Variants in GPD2 observed in about 807,000 individuals in gnomAD.
GPD2 encodes the protein glycerol-3-phosphate dehydrogenase, mitochondrial.
A neutral mutation model predicts 82.4 loss-of-function variants in GPD2; 54 were observed. The ratio of observed to expected loss-of-function variants is 0.66; its 90% CI spans 0.53 to 0.82. The LOEUF is 0.82. Ranked by LOEUF, GPD2 falls within the 40% of genes least tolerant of loss-of-function variation. GPD2 has a pLI of 0.00. For synonymous variants in GPD2, 288 were observed against 306.1 expected (o/e 0.94, Z 0.62); for missense variants, 748 against 896.2 (o/e 0.83, Z 2.11).
intron 6 of GPD2, among the ~76,000 whole-genome samples, chr2:156,519,510 T>C (rs1163267377): frequency 6.6e-6 from 1 of 152,236 alleles, no homozygotes; most frequent in Non-Finnish European, 1.5e-5. Context: ...TAAAGTCCTA[T>C]TTGCCAACAA....
chr2:156,529,277 A>T (rs1349149191), intron 6 of GPD2, among the ~76,000 whole-genome samples: 3 of 149,440 alleles, frequency 2.0e-5, no homozygotes, highest in Admixed American at 6.7e-5. Context: ...CCACTTTTTG[A>T]TGGGGTTGTT....
At chr2:156,526,911 A>G (rs894967659) in intron 6 of GPD2, among the ~76,000 whole-genome samples, 1 of 152,156 alleles carries the variant, frequency 6.6e-6, no homozygotes, top group Non-Finnish European at 1.5e-5. Context: ...TTTTCTTGCT[A>G]CTTTATTGTG....
At chr2:156,495,464 T>C (rs1232969146) in intron 2 of GPD2, 1 of 235,746 alleles carries the variant, frequency 4.2e-6, no homozygotes, top group Non-Finnish European at 9.4e-6. Flanking sequence ...TTCTGAAAAA[T>C]ATAATTCTCA....
intron 8 of GPD2, among the ~76,000 whole-genome samples, chr2:156,554,022 G>A (rs1686866635): frequency 6.6e-6 from 1 of 152,156 alleles, no homozygotes; most frequent in South Asian, 2.1e-4. Flanking sequence ...TGAAGGAATG[G>A]TCTGCAGCCT....
chr2:156,456,665 T>G (rs1682800499), intron 1 of GPD2, among the ~76,000 whole-genome samples: 1 of 152,020 alleles, frequency 6.6e-6, no homozygotes. Flanking sequence ...AGAATTAAGA[T>G]AATGCAAATC....
chr2:156,549,387 T>G (rs1024752993), intron 6 of GPD2, among the ~76,000 whole-genome samples: 1 of 152,222 alleles, frequency 6.6e-6, no homozygotes, highest in African/African-American at 2.4e-5. Flanking sequence ...ATATTTTCAC[T>G]ATTTTTATGG....
intron 6 of GPD2, among the ~76,000 whole-genome samples, chr2:156,517,025 A>C (rs945234556): frequency 7.2e-5 from 11 of 152,258 alleles, no homozygotes; most frequent in African/African-American, 2.4e-4. Flanking sequence ...GTTCATCCTA[A>C]TTAAATTCTG....
At chr2:156,536,970 G>A (rs1686107591) in intron 6 of GPD2, among the ~76,000 whole-genome samples, 1 of 152,190 alleles carries the variant, frequency 6.6e-6, no homozygotes, top group African/African-American at 2.4e-5. Flanking sequence ...ATTACTTGAG[G>A]GAAGAGCTAA....
intron 9 of GPD2, among the ~76,000 whole-genome samples, chr2:156,564,508 G>A (rs1179421841): frequency 6.6e-6 from 1 of 152,146 alleles, no homozygotes; most frequent in African/African-American, 2.4e-5. Flanking sequence ...TGTCTCACAT[G>A]TTTAGCTGTG....
chr2:156,529,535 A>T (rs1482323245), intron 6 of GPD2, among the ~76,000 whole-genome samples: 1 of 151,646 alleles, frequency 6.6e-6, no homozygotes, highest in Non-Finnish European at 1.5e-5. Context: ...CTGAATGGTA[A>T]TGCCTAGGTT....
At chr2:156,400,894 CACTT>C in the GPD2 span, among the ~76,000 whole-genome samples, 1 of 152,168 alleles carries the variant, frequency 6.6e-6, no homozygotes, top group Non-Finnish European at 1.5e-5. Flanking sequence ...TATCTTAGAA[CACTT>C]ACCCCATTAC....
intron 15 of GPD2, 53 bp downstream of exon 15, chr2:156,579,217 T>A (rs1687938123): frequency 9.8e-7 from 1 of 1,020,950 alleles, no homozygotes; most frequent in Admixed American, 1.7e-5. Context: ...TATAAAAATA[T>A]TAGATGTTTT....
intron 1 of GPD2, among the ~76,000 whole-genome samples, chr2:156,447,437 C>T (rs1185086702): frequency 6.6e-6 from 1 of 152,060 alleles, no homozygotes; most frequent in Non-Finnish European, 1.5e-5. Context: ...TGGGCTCAAG[C>T]GATCCTCCTA....
chr2:156,527,971 G>T (rs955880687), intron 6 of GPD2, among the ~76,000 whole-genome samples: 4 of 152,068 alleles, frequency 2.6e-5, no homozygotes, highest in Admixed American at 1.3e-4. Flanking sequence ...AATTCCCCGT[G>T]TGCAAAGCAT....
At position 156,568,967 on chromosome 2, in the gene GPD2, A is replaced by G. The variant is rs747174930; in HGVS notation, c.1300+8A>G. The G allele has an allele frequency of 1.9e-6, 3 of 1,582,580 alleles. No homozygotes were observed. The highest frequency in any genetic ancestry group is 2.6e-6 in the Non-Finnish European group (3 of 1,154,518). ...GCCTTATTACTATAGCAGGTATGAG[A>G]TACTACCTTGTTATTTTCTTTTCTT... On this transcript the variant is annotated splice_region_variant and intron_variant, in intron 10 of 16. Coordinates refer to ENST00000438166, the MANE Select transcript of GPD2 (RefSeq NM_000408.5).
intron 6 of GPD2, among the ~76,000 whole-genome samples, chr2:156,535,128 A>G (rs1220378080): frequency 6.6e-6 from 1 of 151,954 alleles, no homozygotes; most frequent in Non-Finnish European, 1.5e-5. Context: ...GTATGCCAGG[A>G]TGAGGAGTTT....
In GPD2 at chr2:156,476,174, A is replaced by T; in HGVS notation, c.69A>T (p.Gly23=). 6.2e-7 allele frequency: 1 copy of T among 1,608,084 alleles called. No homozygotes were observed. The highest frequency in any genetic ancestry group is 1.1e-5 in the South Asian group (1 of 90,948). ...GAGGTGCTCTTGCAACTGTTTTAGG[A>T]CTTTCTCAGTTTGCTCATTACAGAA... is the stretch of plus-strand genomic sequence containing the variant. ...VGGGALATVL[G]LSQFAHYRRK... The change falls in exon 2 of 17, where the codon GGA becomes GGT. Residue 23 remains glycine, a synonymous_variant. Transcript: ENST00000438166.
chr2:156,450,649 GTTC>G (rs1351495491), intron 1 of GPD2, among the ~76,000 whole-genome samples: 1 of 146,954 alleles, frequency 6.8e-6, no homozygotes, highest in Non-Finnish European at 1.5e-5. Context: ...AGTGGAGACA[GTTC>G]TTATAGACAA....
intron 6 of GPD2, among the ~76,000 whole-genome samples, chr2:156,518,185 G>A (rs954168823): frequency 2.6e-5 from 4 of 152,276 alleles, no homozygotes; most frequent in Non-Finnish European, 4.4e-5. Context: ...AATTCAGCTC[G>A]TGAGAGAGCA....
Sources: gnomAD v4.1 joint callset for allele counts (sites outside exome capture counted in the v4.1 genomes callset) on GRCh38, gnomAD v4.1.1 for gene constraint, MANE v1.5 for transcripts, NCBI Gene and HGNC (gene_info 2026-07-23, HGNC 2026-07-21) for gene names.